AGBL1: variants seen among roughly 807,000 people sequenced by gnomAD.
AGBL1 encodes the protein AGBL carboxypeptidase 1, also known as cytosolic carboxypeptidase 4.
In AGBL1, 130 loss-of-function variants were observed where a neutral mutation model predicts 118.9. That is an observed-to-expected ratio of 1.09 (90% CI 0.95 to 1.26). The LOEUF (loss-of-function observed/expected upper bound fraction) is 1.26. AGBL1 is among the 50% of genes most tolerant of loss of function. The pLI is 0.00. For missense variants in AGBL1, 1,584 were observed against 1,298.1 expected (o/e 1.22, Z -3.38); for synonymous variants, 555 against 478.9 (o/e 1.16, Z -2.08).
intron 21 of AGBL1, among the ~76,000 whole-genome samples, chr15:86,656,780 TA>T (rs930773068): frequency 6.6e-6 from 1 of 152,124 alleles, no homozygotes; most frequent in Non-Finnish European, 1.5e-5. Context: ...GGAAGAGGGT[TA>T]AATGTACTCA....
intron 17 of AGBL1, among the ~76,000 whole-genome samples, chr15:86,391,560 T>C (rs1190118929): frequency 1.3e-5 from 2 of 151,622 alleles, no homozygotes; most frequent in African/African-American, 2.4e-5. Flanking sequence ...GGCCATTTCT[T>C]CTACCCCTTA....
At chr15:86,165,767 C>T (rs1040095958) in intron 5 of AGBL1, among the ~76,000 whole-genome samples, 2 of 152,040 alleles carry the variant, frequency 1.3e-5, no homozygotes, top group African/African-American at 4.8e-5. Flanking sequence ...CAGAGCACTC[C>T]AATTCAAATA....
At chr15:86,735,825 C>T (rs961677070) in intron 22 of AGBL1, among the ~76,000 whole-genome samples, 7 of 152,058 alleles carry the variant, frequency 4.6e-5, no homozygotes, top group Admixed American at 2.0e-4. Context: ...ATGTAGCAAG[C>T]GCTCTGTAAA....
intron 23 of AGBL1, among the ~76,000 whole-genome samples, chr15:86,975,969 C>G (rs1443387028): frequency 6.6e-6 from 1 of 152,030 alleles, no homozygotes; most frequent in Non-Finnish European, 1.5e-5. Context: ...CTGTCTGCAG[C>G]TGCTCAGTAA....
intron 16 of AGBL1, among the ~76,000 whole-genome samples, chr15:86,286,308 G>A (rs62015560): frequency 1.1e-4 from 16 of 152,100 alleles, no homozygotes; most frequent in African/African-American, 3.9e-4. Context: ...TTTCTTTGTG[G>A]TGAGAACACT....
intron 19 of AGBL1, among the ~76,000 whole-genome samples, chr15:86,543,720 A>G (rs895100736): frequency 1.3e-5 from 2 of 152,238 alleles, no homozygotes; most frequent in Non-Finnish European, 2.9e-5. Context: ...ACCAGGGTCT[A>G]ATCAACCAAC....
chr15:86,592,281 C>T (rs889241809), intron 21 of AGBL1, among the ~76,000 whole-genome samples: 7 of 152,134 alleles, frequency 4.6e-5, no homozygotes, highest in Admixed American at 1.3e-4. Context: ...GCAGCAAACT[C>T]GATTCTTGCC....
intron 16 of AGBL1, among the ~76,000 whole-genome samples, chr15:86,286,711 A>ATATGTGTGTGTGTGTTTGTG (rs2079454825): frequency 7.3e-6 from 1 of 136,740 alleles, no homozygotes; most frequent in Non-Finnish European, 1.6e-5. Flanking sequence ...GTGTGTATAT[A>ATATGTGTGTGTGTGTTTGTG]TATGTGTGTG....
chr15:86,755,759 A>T (rs78981623), intron 22 of AGBL1, among the ~76,000 whole-genome samples: 2 of 152,058 alleles, frequency 1.3e-5, no homozygotes, highest in African/African-American at 4.8e-5. Context: ...CTTCCCAGCT[A>T]TTCTTTCCTA....
chr15:86,890,048 G>A (rs1335612602), intron 22 of AGBL1, among the ~76,000 whole-genome samples: 1 of 152,076 alleles, frequency 6.6e-6, no homozygotes, highest in Non-Finnish European at 1.5e-5. Context: ...CTGCAGTCTT[G>A]CCAGCATCTG....
At chr15:86,402,895 A>G (rs1057238697) in intron 18 of AGBL1, among the ~76,000 whole-genome samples, 4 of 152,210 alleles carry the variant, frequency 2.6e-5, no homozygotes, top group African/African-American at 9.7e-5. Flanking sequence ...TCAAAAACAA[A>G]CAAACAAACA....
chr15:86,705,469 T>C (rs898637347), intron 22 of AGBL1, among the ~76,000 whole-genome samples: 1 of 152,140 alleles, frequency 6.6e-6, no homozygotes, highest in African/African-American at 2.4e-5. Context: ...AAAATCAATC[T>C]AGGTAATCCA....
At chr15:86,832,772 C>T (rs1374928450) in intron 22 of AGBL1, among the ~76,000 whole-genome samples, 1 of 152,198 alleles carries the variant, frequency 6.6e-6, no homozygotes. Context: ...ACTGTTCCAA[C>T]CTCTGCCTGT....
downstream of AGBL1, among the ~76,000 whole-genome samples, chr15:86,917,774 GAGA>G (rs541239507): frequency 3.1e-4 from 32 of 103,978 alleles, no homozygotes; most frequent in African/African-American, 9.6e-4. This position sits in a 1 kb window ranked among gnomAD's most constrained non-coding sequence, Gnocchi z 4.8. Flanking sequence ...TGCACTGGGA[GAGA>G]AGGAGAGAGA....
At chr15:86,650,759 C>G (rs1219803946) in intron 21 of AGBL1, among the ~76,000 whole-genome samples, 1 of 152,214 alleles carries the variant, frequency 6.6e-6, no homozygotes, top group Admixed American at 6.5e-5. Context: ...AGTATCAGCA[C>G]ACTGTCTAGA....
At chr15:86,586,197 A>G (rs915449651) in intron 21 of AGBL1, among the ~76,000 whole-genome samples, 1 of 152,176 alleles carries the variant, frequency 6.6e-6, no homozygotes, top group Admixed American at 6.6e-5. Context: ...TTCTGTCTCT[A>G]TCTCTTTCTC....
chr15:86,327,260 A>G (rs886557897), intron 17 of AGBL1, among the ~76,000 whole-genome samples: 11 of 152,212 alleles, frequency 7.2e-5, no homozygotes, highest in African/African-American at 2.4e-4. Flanking sequence ...GGAATAAAAG[A>G]GGCTTAGGGT....
rs1198070008 is a variant in AGBL1, at chr15:86,427,952, G to A, written c.2555+30406G>A. Among the ~76,000 whole-genome samples the A allele has an allele frequency of 2.0e-5, 3 of 152,144 alleles. No individual in the cohort carries two copies. The East Asian group carries it at 5.8e-4, about 29-fold the overall frequency. The stretch of plus-strand genomic sequence containing the variant: ...CCTTTATTATTCTTGACCTCGTAGA[G>A]AGAAGTAACATACAAAATGGGATAG... On this transcript the variant is annotated intron_variant, in intron 18 of 22. Coordinates refer to ENST00000614907, the MANE Select transcript of AGBL1 (RefSeq NM_001386094.1).
At chr15:86,260,844 C>T (rs1362432373) in intron 9 of AGBL1, among the ~76,000 whole-genome samples, 2 of 152,210 alleles carry the variant, frequency 1.3e-5, no homozygotes, top group Non-Finnish European at 2.9e-5. Context: ...TGGTAAAGGA[C>T]TGCCTGGGCT....
Sources: allele counts gnomAD v4.1 joint callset (sites outside exome capture counted in the v4.1 genomes callset), GRCh38; gene constraint gnomAD v4.1.1; non-coding constraint Gnocchi (gnomAD v3.1); transcripts MANE v1.5; gene names NCBI Gene and HGNC (gene_info 2026-07-23, HGNC 2026-07-21).